Variants in ZMYND8 observed in about 807,000 individuals in gnomAD.
ZMYND8 encodes the protein zinc finger MYND-type containing 8, also known as MYND-type zinc finger-containing chromatin reader ZMYND8.
In ZMYND8, 37 loss-of-function variants were observed where a neutral mutation model predicts 140.8. The observed-to-expected ratio is 0.26, with a 90% CI of 0.20 to 0.35. The LOEUF (loss-of-function observed/expected upper bound fraction) is 0.35, where lower values mean the gene tolerates loss of function less well. Ranked by LOEUF, ZMYND8 falls within the 10% of genes least tolerant of loss-of-function variation. ZMYND8 has a pLI of 1.00. For missense variants in ZMYND8, 1,068 were observed against 1,570.0 expected (o/e 0.68, Z 5.40); for synonymous variants, 592 against 597.1 (o/e 0.99, Z 0.12).
At chr20:47,297,356 A>G (rs1368496841) in intron 4 of ZMYND8, among the ~76,000 whole-genome samples, 2 of 152,134 alleles carry the variant, frequency 1.3e-5, no homozygotes, top group Non-Finnish European at 2.9e-5. Flanking sequence ...TACTAAAGAC[A>G]TCTGGATGAT....
At chr20:47,334,162 ATTGT>A (rs1002390595) in intron 2 of ZMYND8, among the ~76,000 whole-genome samples, 11 of 152,102 alleles carry the variant, frequency 7.2e-5, no homozygotes, top group African/African-American at 2.2e-4. Flanking sequence ...GGTCGTATAG[ATTGT>A]TTGTTTACCC....
At chr20:47,236,281 T>G in intron 16 of ZMYND8, 45 bp downstream of exon 16, 2 of 1,611,564 alleles carry the variant, frequency 1.2e-6, no homozygotes, top group Non-Finnish European at 1.7e-6. Context: ...TCTGGCATCC[T>G]GCCAGGTGTC....
At chr20:47,320,744 G>A (rs1288086947) in intron 2 of ZMYND8, 1 of 152,202 alleles carries the variant, frequency 6.6e-6, no homozygotes, top group Non-Finnish European at 1.5e-5. Flanking sequence ...AAATAAAGAT[G>A]CTTAACATCA....
chr20:47,218,971 C>T (rs1229932610), intron 21 of ZMYND8, among the ~76,000 whole-genome samples: 1 of 151,886 alleles, frequency 6.6e-6, no homozygotes, highest in Admixed American at 6.6e-5. Context: ...AATCCCAGCA[C>T]TTCCGGAGGC....
intron 16 of ZMYND8, among the ~76,000 whole-genome samples, chr20:47,235,847 CAGGGGAG>C (rs1047229490): frequency 3.3e-5 from 5 of 152,190 alleles, no homozygotes; most frequent in Non-Finnish European, 7.3e-5. Context: ...GGGCAGGAGA[CAGGGGAG>C]AGGGAGTCCC....
chr20:47,250,937 G>C (rs753437464), intron 12 of ZMYND8, among the ~76,000 whole-genome samples: 1 of 152,134 alleles, frequency 6.6e-6, no homozygotes, highest in Non-Finnish European at 1.5e-5. Context: ...GCTGAGGCAG[G>C]AGAATGGCTT....
At chr20:47,322,269 C>A (rs1333504005) in intron 2 of ZMYND8, among the ~76,000 whole-genome samples, 1 of 152,002 alleles carries the variant, frequency 6.6e-6, no homozygotes. Flanking sequence ...GGACAAACCA[C>A]TGAACAGGAA....
chr20:47,339,627 C>A (rs1169412299), intron 2 of ZMYND8, among the ~76,000 whole-genome samples: 1 of 151,942 alleles, frequency 6.6e-6, no homozygotes, highest in East Asian at 2.0e-4. Context: ...CAGGCACCCG[C>A]GACCACGCCT....
chr20:47,348,180 A>C, intron 1 of ZMYND8: 1 of 498,304 alleles, frequency 2.0e-6, no homozygotes, highest in East Asian at 3.7e-5. Flanking sequence ...GGGGAATGCA[A>C]AAGGCAATTT....
At chr20:47,275,888 C>T (rs2076226984) in intron 11 of ZMYND8, among the ~76,000 whole-genome samples, 1 of 152,174 alleles carries the variant, frequency 6.6e-6, no homozygotes, top group South Asian at 2.1e-4. Flanking sequence ...GGACTACAGG[C>T]ATGAGCCACG....
intron 3 of ZMYND8, among the ~76,000 whole-genome samples, chr20:47,299,965 C>T (rs542054146): frequency 4.6e-5 from 7 of 152,292 alleles, no homozygotes; most frequent in East Asian, 1.9e-4. Flanking sequence ...AATTCTTGAG[C>T]ATGGTAGGTC....
intron 11 of ZMYND8, among the ~76,000 whole-genome samples, chr20:47,264,077 C>G (rs571119682): frequency 2.3e-4 from 35 of 152,234 alleles, no homozygotes; most frequent in African/African-American, 7.9e-4. Context: ...CGGCCCCCCA[C>G]AAGAAAGAGT....
chr20:47,301,233 C>A (rs927311288), intron 3 of ZMYND8, among the ~76,000 whole-genome samples: 2 of 150,580 alleles, frequency 1.3e-5, no homozygotes, highest in Non-Finnish European at 2.9e-5. Flanking sequence ...CGGCTCACTG[C>A]AACCTCTGCC....
chr20:47,325,968 TA>T (rs562784409), intron 2 of ZMYND8, among the ~76,000 whole-genome samples: 82 of 152,168 alleles, frequency 5.4e-4, no homozygotes, highest in African/African-American at 1.8e-3. Context: ...TTTATCTATT[TA>T]TTTTTTTGAG....
At chr20:47,212,868 C>T in intron 21 of ZMYND8, 143 bp from the exon 22 acceptor site, 1 of 691,406 alleles carries the variant, frequency 1.4e-6, no homozygotes, top group Non-Finnish European at 2.4e-6. Context: ...CATTGTCCAA[C>T]TTTAATGCAA....
intron 3 of ZMYND8, among the ~76,000 whole-genome samples, chr20:47,307,084 G>A (rs2078546586): frequency 6.6e-6 from 1 of 152,150 alleles, no homozygotes; most frequent in African/African-American, 2.4e-5. Context: ...GATGGCATTA[G>A]AGAAGTGGGG....
intron 2 of ZMYND8, among the ~76,000 whole-genome samples, chr20:47,310,903 C>G (rs554352650): frequency 6.6e-6 from 1 of 152,244 alleles, no homozygotes; most frequent in African/African-American, 2.4e-5. Context: ...CACTCTTCCC[C>G]ACTACGTCCC....
At chr20:47,262,215 C>G (rs1443386556) in intron 12 of ZMYND8, 73 bp downstream of exon 12, 1 of 1,603,642 alleles carries the variant, frequency 6.2e-7, no homozygotes, top group Non-Finnish European at 8.5e-7. Flanking sequence ...GAACCACATA[C>G]ACAAGAGGAT....
chr20:47,339,662 G>A (rs1006534722), intron 2 of ZMYND8, among the ~76,000 whole-genome samples: 6 of 151,914 alleles, frequency 3.9e-5, no homozygotes, highest in African/African-American at 1.5e-4. Context: ...ATTTTTAGTA[G>A]AGACGGGGTT....
Sources: allele counts gnomAD v4.1 joint callset (sites outside exome capture counted in the v4.1 genomes callset), GRCh38; gene constraint gnomAD v4.1.1; transcripts MANE v1.5; gene names NCBI Gene and HGNC (gene_info 2026-07-23, HGNC 2026-07-21).